SP4: variants seen among roughly 807,000 people sequenced by gnomAD.
The protein encoded by SP4 is Sp4 transcription factor.
SP4 carries 19 observed loss-of-function variants against 72.8 expected under a neutral mutation model. The ratio of observed to expected loss-of-function variants is 0.26; its 90% CI spans 0.18 to 0.38. SP4 has a LOEUF of 0.38. Among genes scored for constraint, SP4 ranks in the 10% least tolerant of loss-of-function variants. The pLI is 1.00. For missense variants in SP4, 1,008 were observed against 926.3 expected (o/e 1.09, Z -1.14); for synonymous variants, 395 against 333.1 (o/e 1.19, Z -2.02).
At chr7:21,460,343 G>A (rs1004476578) in intron 3 of SP4, among the ~76,000 whole-genome samples, 3 of 151,762 alleles carry the variant, frequency 2.0e-5, no homozygotes, top group African/African-American at 4.9e-5. Flanking sequence ...AGACCTTCGC[G>A]ATGAGTGTTA....
intron 3 of SP4, among the ~76,000 whole-genome samples, chr7:21,463,578 G>A (rs746039830): frequency 4.6e-5 from 7 of 152,136 alleles, no homozygotes; most frequent in Non-Finnish European, 7.4e-5. Flanking sequence ...CATAACTAGG[G>A]AACAAAGTGA....
intron 5 of SP4, among the ~76,000 whole-genome samples, chr7:21,489,917 C>T (rs6974789): frequency 0.23 from 34,442 of 152,038 alleles, 4,053 homozygotes; most frequent in Middle Eastern, 0.44. Flanking sequence ...TCTCAAAGTG[C>T]TGGGATTATA....
Position 21,458,436 on chromosome 7 carries a change from G to A in SP4, c.1679-18643G>A, listed in dbSNP as rs368220344. On this transcript the variant is annotated intron_variant, in intron 3 of 5. Transcript: ENST00000222584. ...TGACCTCAGGTGATCCACCTGCCTC[G>A]GCCTCCCAAAGTGCTGGGAGTACAG... Among the ~76,000 whole-genome samples the A allele has an allele frequency of 1.2e-3, 180 of 152,160 alleles. 1 individual carries two copies. Among genetic ancestry groups the A allele is most frequent in the African/African-American group, 3.9e-3 (160 of 41,518 alleles).
At chr7:21,446,446 TAAAA>T (rs1024765355) in intron 3 of SP4, among the ~76,000 whole-genome samples, 3 of 146,942 alleles carry the variant, frequency 2.0e-5, no homozygotes, top group African/African-American at 7.5e-5. Context: ...ATGACATATT[TAAAA>T]AAAAAAAGAG....
At chr7:21,504,666 T>G (rs1387429511) in intron 5 of SP4, among the ~76,000 whole-genome samples, 1 of 152,238 alleles carries the variant, frequency 6.6e-6, no homozygotes, top group Admixed American at 6.5e-5. Context: ...TAGGCAAATA[T>G]TTGTTGTTAC....
At chr7:21,491,392 G>T (rs1204707095) in intron 5 of SP4, among the ~76,000 whole-genome samples, 1 of 152,022 alleles carries the variant, frequency 6.6e-6, no homozygotes, top group African/African-American at 2.4e-5. Context: ...AGATTGGGGA[G>T]TCAGAAAAAA....
At chr7:21,490,506 C>A (rs1301930051) in intron 5 of SP4, among the ~76,000 whole-genome samples, 1 of 152,148 alleles carries the variant, frequency 6.6e-6, no homozygotes, top group Non-Finnish European at 1.5e-5. Context: ...CTTGCCACTT[C>A]TACTCTGAAG....
intron 4 of SP4, among the ~76,000 whole-genome samples, chr7:21,478,609 A>G (rs1024161598): frequency 6.6e-6 from 1 of 152,212 alleles, no homozygotes; most frequent in African/African-American, 2.4e-5. Flanking sequence ...ACTGATACTA[A>G]TGATATTGAG....
chr7:21,429,106 C>G (rs1166894255), intron 2 of SP4, among the ~76,000 whole-genome samples, 183 bp from the exon 3 acceptor site: 1 of 151,946 alleles, frequency 6.6e-6, no homozygotes. Flanking sequence ...TATTATAGGA[C>G]TTGCTTCCTT....
intron 3 of SP4, among the ~76,000 whole-genome samples, chr7:21,441,877 A>G (rs1350076211): frequency 6.6e-6 from 1 of 152,188 alleles, no homozygotes; most frequent in Admixed American, 6.5e-5. Flanking sequence ...GAGAAACTAA[A>G]GATGAAGTGA....
intron 1 of SP4, 92 bp from the exon 2 acceptor site, chr7:21,428,585 G>T (rs935766047): frequency 2.9e-5 from 37 of 1,272,534 alleles, no homozygotes; most frequent in Admixed American, 4.9e-5. Context: ...TAATGTTCGG[G>T]GGGAGGGGGG....
chr7:21,486,558 TG>T (rs1554299909), intron 5 of SP4, among the ~76,000 whole-genome samples: 1 of 152,140 alleles, frequency 6.6e-6, no homozygotes, highest in Non-Finnish European at 1.5e-5. Flanking sequence ...TCTGTCACAT[TG>T]GGTTTGTCTA....
intron 3 of SP4, among the ~76,000 whole-genome samples, chr7:21,443,966 A>G (rs1320285165): frequency 2.0e-5 from 3 of 152,362 alleles, no homozygotes; most frequent in African/African-American, 4.8e-5. Flanking sequence ...TTTTGTTAGT[A>G]TAGGTTTTTA....
intron 3 of SP4, among the ~76,000 whole-genome samples, chr7:21,452,627 T>G (rs142934855): frequency 3.0e-4 from 45 of 152,310 alleles, no homozygotes; most frequent in Non-Finnish European, 4.1e-4. Context: ...GTTTCTCCAA[T>G]TGTGTCCTGT....
At chr7:21,434,251 ACT>A (rs1414351802) in intron 3 of SP4, among the ~76,000 whole-genome samples, 1 of 152,134 alleles carries the variant, frequency 6.6e-6, no homozygotes, top group African/African-American at 2.4e-5. Flanking sequence ...ATGAGCTAAA[ACT>A]CTCCACCATC....
chr7:21,428,203 C>CCCCCA lies in SP4; in HGVS notation c.-49_-48insCCCCA. 8.2e-7 allele frequency: 1 copy of CCCCCA among 1,216,714 alleles called. No homozygotes were observed. The highest frequency in any genetic ancestry group is 1.2e-6 in the Non-Finnish European group (1 of 854,964). The allele number at this position is 1,216,714 out of a possible 1,614,324, so 75.4% of individuals were successfully genotyped here. A position where few individuals can be genotyped will look rare whatever the true frequency, so the allele number is the denominator to read the frequency against. ...CTCCCGCCTCGCCCCCACCCCCACCCACCTCTATCCCAGTGTCTCCGTCTG... is the reference window on the plus strand; with the variant it reads ...CTCCCGCCTCGCCCCCACCCCCACCCCCCCAACCTCTATCCCAGTGTCTCCGTCTG... On this transcript the variant is annotated 5_prime_UTR_variant, in exon 1 of 6. Transcript: ENST00000222584.
chr7:21,514,700 G>T lies in SP4; in HGVS notation c.*3431G>T, dbSNP rs969075884. On this transcript the variant is annotated 3_prime_UTR_variant, in exon 6 of 6. Coordinates refer to ENST00000222584, the MANE Select transcript of SP4 (RefSeq NM_003112.5). The stretch of plus-strand genomic sequence containing the variant: ...TTTGTGGATTTGGAAATAAAATCAT[G>T]TACAAGTTGTTGCCTGCAATAACAA... 6.6e-6 allele frequency: 1 copy of T among 152,126 alleles called. No individual in the cohort carries two copies. Among genetic ancestry groups the T allele is most frequent in the African/African-American group, 2.4e-5 (1 of 41,436 alleles). The allele number at this position is 152,126 out of a possible 1,614,324, so 9.4% of individuals were successfully genotyped here.
intron 5 of SP4, among the ~76,000 whole-genome samples, chr7:21,500,363 A>G (rs1781834073): frequency 6.6e-6 from 1 of 152,204 alleles, no homozygotes. Flanking sequence ...TATTGCTGCC[A>G]CAACAAATTA....
intron 5 of SP4, among the ~76,000 whole-genome samples, chr7:21,499,205 G>C (rs1366958561): frequency 6.6e-6 from 1 of 152,134 alleles, no homozygotes; most frequent in East Asian, 1.9e-4. Flanking sequence ...GTAGGAATTT[G>C]AGGAGGAAGA....
Sources: allele counts gnomAD v4.1 joint callset (sites outside exome capture counted in the v4.1 genomes callset), GRCh38; gene constraint gnomAD v4.1.1; transcripts MANE v1.5; gene names NCBI Gene and HGNC (gene_info 2026-07-23, HGNC 2026-07-21).